The following TBC1D16 variants were observed in gnomAD, a reference collection of about 807,000 sequenced individuals.
TBC1D16 encodes the protein TBC1 domain family member 16.
In TBC1D16, 58 loss-of-function variants were observed where a neutral mutation model predicts 74.7. The observed-to-expected ratio is 0.78, with a 90% CI of 0.63 to 0.97. The LOEUF (loss-of-function observed/expected upper bound fraction) is 0.97, where lower values mean the gene tolerates loss of function less well. TBC1D16 is among the 50% of genes least tolerant of loss of function. The pLI is 0.00. For synonymous variants in TBC1D16, 493 were observed against 474.7 expected (o/e 1.04, Z -0.50); for missense variants, 1,014 against 1,079.5 (o/e 0.94, Z 0.85).
In TBC1D16 at chr17:80,023,663, C is replaced by G. The variant is rs1372383482; in HGVS notation, c.-62-10054G>C. ...GAGCGAGAACTGCTGCCGGGCCCCC[C>G]CCCACCGGCTCAGGGCGTGGCTGGG... is the stretch of plus-strand genomic sequence containing the variant. On this transcript the variant is annotated intron_variant, in intron 1 of 11. Transcript: ENST00000310924. Among the ~76,000 whole-genome samples the G allele has an allele frequency of 5.6e-5, 8 of 143,084 alleles. No individual in the cohort carries two copies. In the South Asian group the frequency reaches 1.3e-3, roughly 23 times the overall value. The allele number at this position is 143,084 out of a possible 152,430, so 93.9% of individuals were successfully genotyped here. A position where few individuals can be genotyped will look rare whatever the true frequency, so the allele number is the denominator to read the frequency against.
chr17:79,998,460 T>C (rs1343696416), intron 3 of TBC1D16, among the ~76,000 whole-genome samples: 2 of 151,660 alleles, frequency 1.3e-5, no homozygotes, highest in African/African-American at 4.8e-5. Context: ...CCCAAGTAGC[T>C]GGGACTACAT....
chr17:79,944,117 G>A lies in TBC1D16; in HGVS notation c.1908+791C>T. ...ATCAGACATCAGCCCCCTGCGGTGT[G>A]AGTGAGGACAGGAGACGCTGACGCA... On this transcript the variant is annotated intron_variant, in intron 10 of 11. Transcript: ENST00000310924. The surrounding 1 kb of genome is among the most constrained non-coding windows in gnomAD (Gnocchi z 7.7). 1 of 1,536,036 alleles carries A rather than the reference G, an allele frequency of 6.5e-7. No homozygotes were observed.
At position 79,988,436 on chromosome 17, in the gene TBC1D16, C is replaced by T. The variant is rs1453747386; in HGVS notation, c.779+21724G>A. Among the ~76,000 whole-genome samples the T allele has an allele frequency of 2.0e-5, 3 of 152,288 alleles. No homozygotes were observed. The highest frequency in any genetic ancestry group is 7.2e-5 in the African/African-American group (3 of 41,484). ...AGCTATGAGTCAGGTCCAAGCTCCA[C>T]TGGGCGTATGCCCAAGGGGCAGAGG... On this transcript the variant is annotated intron_variant, in intron 3 of 11. Transcript: ENST00000310924. This position sits in a 1 kb window ranked among gnomAD's most constrained non-coding sequence, Gnocchi z 5.7.
intron 10 of TBC1D16, among the ~76,000 whole-genome samples, chr17:79,942,783 G>A (rs1041035474): frequency 1.4e-4 from 22 of 152,210 alleles, no homozygotes; most frequent in African/African-American, 5.1e-4. Flanking sequence ...TCCTAACAGA[G>A]CGGGCACAGC....
Position 79,941,223 on chromosome 17 carries a change from CT to C in TBC1D16, c.2056-117del. ...GCAACAACGGCCTGCACCTCGGGGG[CT>C]CACCGAGTCCTGGACTGAGGGCTCT... On this transcript the variant is annotated intron_variant, in intron 11 of 11. Transcript: ENST00000310924. The surrounding 1 kb of genome is among the most constrained non-coding windows in gnomAD (Gnocchi z 4.3). 2.0e-6 allele frequency: 2 copies of C among 1,025,192 alleles called. No homozygotes were observed. The highest frequency in any genetic ancestry group is 2.8e-6 in the Non-Finnish European group (2 of 712,060). The allele number at this position is 1,025,192 out of a possible 1,614,324, so 63.5% of individuals were successfully genotyped here. A position where few individuals can be genotyped will look rare whatever the true frequency, so the allele number is the denominator to read the frequency against.
intron 9 of TBC1D16, 52 bp from the exon 10 acceptor site, chr17:79,945,139 T>A: frequency 6.7e-7 from 1 of 1,498,380 alleles, no homozygotes; most frequent in Non-Finnish European, 8.9e-7. Flanking sequence ...TGCGGCCTGC[T>A]GCCCAGGAAG....
intron 1 of TBC1D16, among the ~76,000 whole-genome samples, chr17:80,019,267 C>T (rs576103190): frequency 6.7e-6 from 1 of 150,134 alleles, no homozygotes; most frequent in Admixed American, 6.6e-5. Flanking sequence ...CAGGCAGAAC[C>T]TCACTGTGGC....
intron 1 of TBC1D16, among the ~76,000 whole-genome samples, chr17:80,027,314 T>A (rs1440222175): frequency 2.0e-5 from 3 of 150,966 alleles, no homozygotes; most frequent in African/African-American, 7.3e-5. Flanking sequence ...AAGCAAAAAT[T>A]AGCTGGGCAT....
chr17:79,942,589 C>T lies in TBC1D16; in HGVS notation c.1909-383G>A, dbSNP rs2032123211. On this transcript the variant is annotated intron_variant, in intron 10 of 11. Transcript: ENST00000310924. ...GCCTGGCCTGTGCTCATGGGGAGGA[C>T]TCATTTGTAATGGTCCTGAGCAACG... is the stretch of plus-strand genomic sequence containing the variant. Among the ~76,000 whole-genome samples the T allele has an allele frequency of 3.3e-5, 5 of 152,080 alleles. No individual in the cohort carries two copies. In the South Asian group the frequency reaches 1.0e-3, roughly 32 times the overall value.
intron 3 of TBC1D16, among the ~76,000 whole-genome samples, chr17:79,965,165 C>T (rs939184736): frequency 3.3e-5 from 5 of 152,068 alleles, no homozygotes; most frequent in South Asian, 2.1e-4. Context: ...CTGCAGCCTC[C>T]GCCTCCCAGG....
rs1542102 is a variant in TBC1D16, at chr17:80,029,607, G to T, written c.-63+6188C>A. ...ATTTGGTGACTTATACCCTAGAAAA[G>T]AGAGTCCTCCTCAATGTAGAAAGTG... is the stretch of plus-strand genomic sequence containing the variant. On this transcript the variant is annotated intron_variant, in intron 1 of 11. Coordinates refer to ENST00000310924, the MANE Select transcript of TBC1D16 (RefSeq NM_019020.4). Among the ~76,000 whole-genome samples, 5 of 152,174 alleles carry T rather than the reference G, an allele frequency of 3.3e-5. No individual in the cohort carries two copies. The South Asian group carries it at 1.0e-3, about 32-fold the overall frequency.
chr17:79,944,890 G>A lies in TBC1D16; in HGVS notation c.1908+18C>T. 1 of 1,544,736 alleles carries A rather than the reference G, an allele frequency of 6.5e-7. No homozygotes were observed. The highest frequency in any genetic ancestry group is 8.7e-7 in the Non-Finnish European group (1 of 1,144,798). The stretch of plus-strand genomic sequence containing the variant: ...CCATGGTCCCAACCTCCCCAGCCCT[G>A]GCCCCTGCCCTGGTCACCTGGTAGT... On this transcript the variant is annotated intron_variant, in intron 10 of 11. Transcript: ENST00000310924. This position sits in a 1 kb window ranked among gnomAD's most constrained non-coding sequence, Gnocchi z 7.7.
At chr17:79,978,848 A>G (rs2034451661) in intron 3 of TBC1D16, among the ~76,000 whole-genome samples, 1 of 152,224 alleles carries the variant, frequency 6.6e-6, no homozygotes, top group African/African-American at 2.4e-5. Context: ...GGGTACATCT[A>G]ATAAATAAAG....
At chr17:79,978,335 G>A (rs1468911446) in intron 3 of TBC1D16, among the ~76,000 whole-genome samples, 1 of 152,262 alleles carries the variant, frequency 6.6e-6, no homozygotes, top group Non-Finnish European at 1.5e-5. Context: ...CGGCTAATTA[G>A]GGAAGGTGTA....
chr17:79,995,226 G>A (rs1380400393), intron 3 of TBC1D16, among the ~76,000 whole-genome samples: 1 of 152,004 alleles, frequency 6.6e-6, no homozygotes, highest in African/African-American at 2.4e-5. Context: ...CTTGAACCCA[G>A]GAGGCGGAGG....
Position 80,023,023 on chromosome 17 carries a change from T to C in TBC1D16, c.-62-9414A>G, listed in dbSNP as rs1034446562. 3.5e-4 allele frequency among the ~76,000 whole-genome samples: 52 copies of C among 150,224 alleles called. 8 individuals carry two copies. Among genetic ancestry groups the C allele is most frequent in the African/African-American group, 1.3e-3 (51 of 39,580 alleles). ...GGCCTATGTGGTTTGGCCCACCTCATGGTCCACACCCTCTCAGCTGCCGCA... is the reference window on the plus strand; with the variant it reads ...GGCCTATGTGGTTTGGCCCACCTCACGGTCCACACCCTCTCAGCTGCCGCA... On this transcript the variant is annotated intron_variant, in intron 1 of 11. Coordinates refer to ENST00000310924, the MANE Select transcript of TBC1D16 (RefSeq NM_019020.4).
chr17:79,978,311 GATCTGCAACATCACGGCTA>G (rs2034426071), intron 3 of TBC1D16, among the ~76,000 whole-genome samples: 1 of 152,264 alleles, frequency 6.6e-6, no homozygotes, highest in Non-Finnish European at 1.5e-5. Context: ...TAACTCTGCC[GATCTGCAACATCACGGCTA>G]ATTAGGGAAG....
At chr17:79,992,229 C>T (rs1230847237) in intron 3 of TBC1D16, 1 of 152,468 alleles carries the variant, frequency 6.6e-6, no homozygotes, top group Non-Finnish European at 1.5e-5. Flanking sequence ...CCCCTGACCC[C>T]ACACTCCGCT....
rs1303804315 is a variant in TBC1D16, at chr17:79,979,495, T to C, written c.780-26677A>G. Among the ~76,000 whole-genome samples the C allele has an allele frequency of 6.6e-6, 1 of 152,080 alleles. No homozygotes were observed. Among genetic ancestry groups the C allele is most frequent in the African/African-American group, 2.4e-5 (1 of 41,396 alleles). ...GGCGGGAGGACCGCATAGCTGCAAA[T>C]GCATCTGGGCGTGAAGACGTCCCTG... is the stretch of plus-strand genomic sequence containing the variant. On this transcript the variant is annotated intron_variant, in intron 3 of 11. Transcript: ENST00000310924. The surrounding 1 kb of genome is among the most constrained non-coding windows in gnomAD (Gnocchi z 4.8).
Sources: allele counts gnomAD v4.1 joint callset (sites outside exome capture counted in the v4.1 genomes callset), GRCh38; gene constraint gnomAD v4.1.1; non-coding constraint Gnocchi (gnomAD v3.1); transcripts MANE v1.5; gene names NCBI Gene and HGNC (gene_info 2026-07-23, HGNC 2026-07-21).